The following SMUG1 variants were observed in gnomAD, a reference collection of about 807,000 sequenced individuals.
The protein encoded by SMUG1 is single-strand-selective monofunctional uracil-DNA glycosylase 1.
A neutral mutation model predicts 23.9 loss-of-function variants in SMUG1; 13 were observed. The ratio of observed to expected loss-of-function variants is 0.54; its 90% CI spans 0.35 to 0.86. The LOEUF (loss-of-function observed/expected upper bound fraction) is 0.86, where lower values mean the gene tolerates loss of function less well. Among genes scored for constraint, SMUG1 ranks in the 40% least tolerant of loss-of-function variants. The probability of loss-of-function intolerance (pLI) is 0.01; values close to 1 mark genes in which losing one functional copy is unlikely to be tolerated. For missense variants in SMUG1, 313 were observed against 339.5 expected (o/e 0.92, Z 0.61); for synonymous variants, 133 against 139.8 (o/e 0.95, Z 0.34).
chr12:54,180,433 A>G lies in SMUG1; in HGVS notation c.*1663T>C, dbSNP rs1940895865. 1 of 152,208 alleles carries G rather than the reference A, an allele frequency of 6.6e-6. No individual in the cohort carries two copies. The highest frequency in any genetic ancestry group is 2.4e-5 in the African/African-American group (1 of 41,452). 9.4% of individuals were successfully genotyped at this position (152,208 alleles called of 1,614,324 possible). On this transcript the variant is annotated 3_prime_UTR_variant, in exon 4 of 4. Coordinates refer to ENST00000682136, the MANE Select transcript of SMUG1 (RefSeq NM_001243787.2). ...GAGGATTTATATGAAAAATCTTACT[A>G]ATTCTGGAAGCTGGAAATGACCTGT...
Position 54,182,563 on chromosome 12 carries a change from T to C in SMUG1, c.346A>G (p.Thr116Ala). Residue 116 changes from threonine to alanine, a missense_variant, in exon 4 of 4, where the codon ACC (threonine) becomes GCC (alanine). Physicochemically the swap from Thr to Ala is moderately conservative, Grantham distance 58 (BLOSUM62 0). Transcript: ENST00000682136. ...DWLGIVGPVL[T>A]PPQEHPKRPV... The stretch of plus-strand genomic sequence containing the variant: ...CGTTTAGGATGCTCTTGGGGAGGGG[T>C]CAGCACAGGCCCCACAATGCCCAAC... The C allele has an allele frequency of 6.2e-7, 1 of 1,613,566 alleles. No homozygotes were observed. The highest frequency in any genetic ancestry group is 8.5e-7 in the Non-Finnish European group (1 of 1,179,902).
downstream of SMUG1, among the ~76,000 whole-genome samples, chr12:54,163,403 C>T (rs2136529940): frequency 6.6e-6 from 1 of 152,268 alleles, no homozygotes; most frequent in South Asian, 2.1e-4. Context: ...GTAGCTACTT[C>T]CCACAGTTAC....
Position 54,185,482 on chromosome 12 carries a change from TAA to T in SMUG1, c.-19-1525_-19-1524del, listed in dbSNP as rs1233966763. ...GACTCCATCTCAAAAAAAAATAAAA[TAA>T]AAAATAAATAAATAAATAAATAAAT... On this transcript the variant is annotated intron_variant, in intron 2 of 3. Coordinates refer to ENST00000682136, the MANE Select transcript of SMUG1 (RefSeq NM_001243787.2). 9.0e-5 allele frequency among the ~76,000 whole-genome samples: 5 copies of T among 55,506 alleles called. 1 individual carries two copies. Among genetic ancestry groups the T allele is most frequent in the Non-Finnish European group, 1.5e-4 (4 of 26,128 alleles). 36.4% of individuals were successfully genotyped at this position (55,506 alleles called of 152,430 possible).
chr12:54,159,554 C>T (rs1940173930), intron 4 of SMUG1, among the ~76,000 whole-genome samples: 2 of 152,210 alleles, frequency 1.3e-5, no homozygotes, highest in African/African-American at 4.8e-5. Flanking sequence ...TTCTCTTCCC[C>T]TTCAATGTCA....
chr12:54,160,690 C>A (rs918751075), downstream of SMUG1, among the ~76,000 whole-genome samples: 4 of 152,236 alleles, frequency 2.6e-5, no homozygotes, highest in Admixed American at 1.3e-4. Context: ...CCCCTGCCCC[C>A]CAAGGCCTCA....
In SMUG1 at chr12:54,181,428, C is replaced by A; in HGVS notation, c.*668G>T. The A allele has an allele frequency of 1.2e-6, 1 of 864,136 alleles. No individual in the cohort carries two copies. The highest frequency in any genetic ancestry group is 1.6e-5 in the South Asian group (1 of 63,350). 53.5% of individuals were successfully genotyped at this position (864,136 alleles called of 1,614,324 possible). ...GTGTGATCTCAGTTAATCCTCACACCAACCCCATAAGGTAGGCATCCCTGT... is the reference window on the plus strand; with the variant it reads ...GTGTGATCTCAGTTAATCCTCACACAAACCCCATAAGGTAGGCATCCCTGT... On this transcript the variant is annotated 3_prime_UTR_variant, in exon 4 of 4. Coordinates refer to ENST00000682136, the MANE Select transcript of SMUG1 (RefSeq NM_001243787.2).
At chr12:54,176,828 A>T (rs1480229827), downstream of SMUG1, among the ~76,000 whole-genome samples, 382 of 151,698 alleles carry the variant, frequency 2.5e-3, 2 homozygotes, top group African/African-American at 8.6e-3. Context: ...AACTAAAAAA[A>T]AAAAAAAAAA....
rs1412997526 is a variant in SMUG1 at position 54,181,168 on chromosome 12, G to GA, written c.*927dup. ...TTTAGGAGCTCTTAATGCTTAGAGT[G>GA]AAAAAAAATCACAGGCTAGTTTTTT... is the stretch of plus-strand genomic sequence containing the variant. On this transcript the variant is annotated 3_prime_UTR_variant, in exon 4 of 4. Coordinates refer to ENST00000682136, the MANE Select transcript of SMUG1 (RefSeq NM_001243787.2). The GA allele has an allele frequency of 3.2e-5, 6 of 185,510 alleles. No individual in the cohort carries two copies. Among genetic ancestry groups the GA allele is most frequent in the Non-Finnish European group, 4.5e-5 (4 of 89,006 alleles). The allele number at this position is 185,510 out of a possible 1,614,324, so 11.5% of individuals were successfully genotyped here.
chr12:54,183,687 T>G lies in SMUG1; in HGVS notation c.254A>C (p.Asn85Thr), dbSNP rs1263636746. The G allele has an allele frequency of 6.2e-7, 1 of 1,613,762 alleles. No individual in the cohort carries two copies. The highest frequency in any genetic ancestry group is 8.5e-7 in the Non-Finnish European group (1 of 1,179,936). Residue 85 changes from asparagine to threonine, a missense_variant, in exon 3 of 4, where the codon AAC becomes ACC. By Grantham distance (65) the Asn-to-Thr change is moderately conservative. Coordinates refer to ENST00000682136, the MANE Select transcript of SMUG1 (RefSeq NM_001243787.2). ...CTGGGCCATGCCAAAAGGTCCAGGG[T>G]TCATGCCCAGGAAGAGTACTTCCTT... ...GPKEVLFLGM[N>T]PGPFGMAQTG...
At chr12:54,165,590 T>A (rs1242658017) in intron 3 of SMUG1, 1 of 152,198 alleles carries the variant, frequency 6.6e-6, no homozygotes, top group East Asian at 1.9e-4. Flanking sequence ...GAAGACCCCT[T>A]GAGCCCAGGA....
At chr12:54,176,339 G>A (rs1254414892), downstream of SMUG1, among the ~76,000 whole-genome samples, 2 of 151,804 alleles carry the variant, frequency 1.3e-5, no homozygotes, top group African/African-American at 4.8e-5. Context: ...GGGCAACATA[G>A]TGAAACCCCG....
downstream of SMUG1, among the ~76,000 whole-genome samples, chr12:54,160,725 A>T (rs972676083): frequency 6.6e-6 from 1 of 152,088 alleles, no homozygotes; most frequent in Non-Finnish European, 1.5e-5. Flanking sequence ...CACCTCTACC[A>T]TCGAACATCC....
chr12:54,177,719 C>T (rs1009165442), downstream of SMUG1, among the ~76,000 whole-genome samples: 3 of 151,938 alleles, frequency 2.0e-5, no homozygotes, highest in Non-Finnish European at 2.9e-5. Flanking sequence ...GAAGAAACTG[C>T]TCTAGAATGA....
At chr12:54,179,289 TTCTG>T (rs1488359297), downstream of SMUG1, among the ~76,000 whole-genome samples, 5 of 152,314 alleles carry the variant, frequency 3.3e-5, no homozygotes, top group Middle Eastern at 3.4e-3. Context: ...GTATCATTAG[TTCTG>T]TCTCTCTAGA....
At chr12:54,166,010 C>A (rs762658232) in intron 3 of SMUG1, among the ~76,000 whole-genome samples, 24 of 152,162 alleles carry the variant, frequency 1.6e-4, no homozygotes, top group Non-Finnish European at 2.9e-4. Flanking sequence ...GTCACATTTG[C>A]CACAGAACAT....
At chr12:54,182,772 TG>T in intron 3 of SMUG1, 149 bp from the exon 4 acceptor site, 1 of 1,411,466 alleles carries the variant, frequency 7.1e-7, no homozygotes, top group Non-Finnish European at 9.3e-7. Flanking sequence ...CAAGGATTCT[TG>T]GCCCTATGGT....
downstream of SMUG1, among the ~76,000 whole-genome samples, chr12:54,179,306 C>G (rs1940829718): frequency 6.6e-6 from 1 of 152,168 alleles, no homozygotes. Context: ...TCTCTAGACC[C>G]TAATACAACT....
rs1942213005 is a variant in SMUG1 at position 54,185,504 on chromosome 12, ATAAATAAATAAAT to A, written c.-19-1558_-19-1546del. On this transcript the variant is annotated intron_variant, in intron 2 of 3. Transcript: ENST00000682136. Reference sequence around the variant, plus strand: ...AAATAAAAAATAAATAAATAAATAAATAAATAAATAAATAAATAAATAAATTTGCCGGGCGCAA... The same window carrying A: ...AAATAAAAAATAAATAAATAAATAAAAAATAAATAAATTTGCCGGGCGCAA... Among the ~76,000 whole-genome samples the A allele has an allele frequency of 3.1e-5, 3 of 95,802 alleles. 1 individual carries two copies. The highest frequency in any genetic ancestry group is 7.1e-5 in the Non-Finnish European group (3 of 41,980). 62.8% of individuals were successfully genotyped at this position (95,802 alleles called of 152,430 possible).
downstream of SMUG1, among the ~76,000 whole-genome samples, chr12:54,160,696 C>G (rs1319593502): frequency 6.6e-6 from 1 of 152,196 alleles, no homozygotes; most frequent in East Asian, 1.9e-4. Flanking sequence ...CCCCCCAAGG[C>G]CTCATTTCTT....
Sources: allele counts gnomAD v4.1 joint callset (sites outside exome capture counted in the v4.1 genomes callset), GRCh38; gene constraint gnomAD v4.1.1; transcripts MANE v1.5; gene names NCBI Gene and HGNC (gene_info 2026-07-23, HGNC 2026-07-21).